Variants in DAB1 observed in about 807,000 individuals in gnomAD.
The protein encoded by DAB1 is disabled homolog 1.
A neutral mutation model predicts 64.6 loss-of-function variants in DAB1; 15 were observed. The ratio of observed to expected loss-of-function variants is 0.23; its 90% CI spans 0.16 to 0.36. DAB1 has a LOEUF of 0.36. Ranked by LOEUF, DAB1 falls within the 10% of genes least tolerant of loss-of-function variation. The probability of loss-of-function intolerance (pLI) is 1.00; values close to 1 mark genes in which losing one functional copy is unlikely to be tolerated. For missense variants in DAB1, 596 were observed against 706.7 expected (o/e 0.84, Z 1.78); for synonymous variants, 235 against 251.9 (o/e 0.93, Z 0.64).
chr1:58,532,626 C>T (rs1415678461), intron 1 of DAB1, among the ~76,000 whole-genome samples: 1 of 152,138 alleles, frequency 6.6e-6, no homozygotes, highest in Non-Finnish European at 1.5e-5. Flanking sequence ...CTCCCAGGCT[C>T]AAGCAATCCT....
intron 3 of DAB1, among the ~76,000 whole-genome samples, chr1:58,367,754 G>A (rs937840816): frequency 3.3e-5 from 5 of 152,120 alleles, no homozygotes; most frequent in Middle Eastern, 3.2e-3. Flanking sequence ...GGAACTAGGC[G>A]TCCATTTTAT....
intron 3 of DAB1, among the ~76,000 whole-genome samples, chr1:58,383,380 T>C (rs1644406525): frequency 6.6e-6 from 1 of 152,168 alleles, no homozygotes; most frequent in Non-Finnish European, 1.5e-5. Flanking sequence ...AGTGGACTCC[T>C]AGCGGCCCCA....
chr1:57,543,632 C>T (rs1416251405), intron 7 of DAB1, among the ~76,000 whole-genome samples: 4 of 152,096 alleles, frequency 2.6e-5, no homozygotes, highest in East Asian at 3.9e-4. Flanking sequence ...TTGACTCTGT[C>T]GGTAAAAGAC....
At chr1:57,059,245 C>T (rs2100557208) in intron 9 of DAB1, among the ~76,000 whole-genome samples, 2 of 152,280 alleles carry the variant, frequency 1.3e-5, no homozygotes, top group South Asian at 4.1e-4. Context: ...TAGATAATAA[C>T]ATAGAGGATC....
At chr1:58,403,226 A>T (rs1644588278) in intron 3 of DAB1, among the ~76,000 whole-genome samples, 1 of 152,030 alleles carries the variant, frequency 6.6e-6, no homozygotes, top group African/African-American at 2.4e-5. Flanking sequence ...TTCTGTACAT[A>T]TCCTCAGGAT....
chr1:57,016,771 T>C (rs2100338271), intron 11 of DAB1, among the ~76,000 whole-genome samples: 1 of 152,282 alleles, frequency 6.6e-6, no homozygotes, highest in Non-Finnish European at 1.5e-5. Flanking sequence ...GCAACACTTG[T>C]TATAATAATA....
chr1:57,202,434 C>G (rs1432759870), intron 2 of DAB1, among the ~76,000 whole-genome samples: 1 of 152,116 alleles, frequency 6.6e-6, no homozygotes, highest in Non-Finnish European at 1.5e-5. Context: ...CACTTGGGAA[C>G]CCATTGAAAT....
chr1:57,889,057 C>T (rs146314687), upstream of DAB1, among the ~76,000 whole-genome samples: 5 of 152,288 alleles, frequency 3.3e-5, no homozygotes, highest in Non-Finnish European at 5.9e-5. Context: ...CTGCCTCTAG[C>T]ACATTTTACT....
intron 9 of DAB1, among the ~76,000 whole-genome samples, chr1:57,049,114 A>G (rs1648885982): frequency 6.6e-6 from 1 of 152,144 alleles, no homozygotes; most frequent in African/African-American, 2.4e-5. Flanking sequence ...AGAACGGAAG[A>G]TGAAAGGAAT....
chr1:57,113,023 T>C (rs1655803765), intron 4 of DAB1, among the ~76,000 whole-genome samples: 1 of 151,796 alleles, frequency 6.6e-6, no homozygotes, highest in Non-Finnish European at 1.5e-5. Flanking sequence ...CATACCACTG[T>C]GGGGGTAAGG....
At chr1:57,342,954 G>A (rs1378293170) in intron 1 of DAB1, among the ~76,000 whole-genome samples, 1 of 152,188 alleles carries the variant, frequency 6.6e-6, no homozygotes, top group Non-Finnish European at 1.5e-5. Context: ...TGCAAAGAGA[G>A]AAAGAACAAA....
chr1:57,328,384 A>G (rs1676362735), intron 1 of DAB1, among the ~76,000 whole-genome samples: 1 of 152,164 alleles, frequency 6.6e-6, no homozygotes, highest in South Asian at 2.1e-4. Flanking sequence ...GAGACCACAC[A>G]TGAGCTCATG....
chr1:58,294,266 A>G (rs1661917103), intron 4 of DAB1, among the ~76,000 whole-genome samples: 1 of 152,156 alleles, frequency 6.6e-6, no homozygotes, highest in African/African-American at 2.4e-5. Context: ...AGGGAATTTG[A>G]ATTTTTGGAA....
chr1:57,238,529 G>C (rs169101), intron 2 of DAB1, among the ~76,000 whole-genome samples: 10,451 of 152,152 alleles, frequency 0.069, 790 homozygotes, highest in African/African-American at 0.19. Flanking sequence ...AAGTCAGTAA[G>C]GTCTTGTGAT....
chr1:58,337,802 T>G (rs1167842278), intron 4 of DAB1, among the ~76,000 whole-genome samples: 1 of 152,154 alleles, frequency 6.6e-6, no homozygotes, highest in African/African-American at 2.4e-5. Context: ...GGAGAGACAG[T>G]GGTTTGTCAT....
chr1:58,226,411 T>G (rs75752715), intron 4 of DAB1, among the ~76,000 whole-genome samples: 2 of 150,546 alleles, frequency 1.3e-5, no homozygotes, highest in Non-Finnish European at 3.0e-5. Flanking sequence ...AAAAAAAAAC[T>G]CAGAGAGGTT....
At chr1:57,225,751 A>G (rs1667215232) in intron 2 of DAB1, among the ~76,000 whole-genome samples, 1 of 152,312 alleles carries the variant, frequency 6.6e-6, no homozygotes, top group Non-Finnish European at 1.5e-5. Flanking sequence ...CTGTAAATCA[A>G]CCCTCTATGA....
intron 5 of DAB1, among the ~76,000 whole-genome samples, chr1:58,049,812 A>G (rs189236631): frequency 3.5e-5 from 5 of 144,490 alleles, no homozygotes; most frequent in African/African-American, 1.3e-4. Flanking sequence ...TGCCTGGCAT[A>G]CACGCATATG....
chr1:57,224,752 G>C (rs1186267498), intron 2 of DAB1, among the ~76,000 whole-genome samples: 1 of 152,194 alleles, frequency 6.6e-6, no homozygotes, highest in African/African-American at 2.4e-5. Context: ...CCATTGATAG[G>C]AGTGTCTTTG....
Sources: gnomAD v4.1 joint callset for allele counts (sites outside exome capture counted in the v4.1 genomes callset) on GRCh38, gnomAD v4.1.1 for gene constraint, MANE v1.5 for transcripts, NCBI Gene and HGNC (gene_info 2026-07-23, HGNC 2026-07-21) for gene names.